The following NTRK2 variants were observed in gnomAD, a reference collection of about 807,000 sequenced individuals.
The protein encoded by NTRK2 is BDNF/NT-3 growth factors receptor.
A neutral mutation model predicts 94.5 loss-of-function variants in NTRK2; 13 were observed. The ratio of observed to expected loss-of-function variants is 0.14; its 90% CI spans 0.09 to 0.22. NTRK2 has a LOEUF of 0.22. Among genes scored for constraint, NTRK2 ranks in the 10% least tolerant of loss-of-function variants. The pLI, the probability that NTRK2 is intolerant of heterozygous loss-of-function variation, is 1.00. For missense variants in NTRK2, 639 were observed against 1,071.2 expected (o/e 0.60, Z 5.63); for synonymous variants, 372 against 407.4 (o/e 0.91, Z 1.05).
chr9:85,023,779 T>G lies in NTRK2; in HGVS notation c.*2342T>G, dbSNP rs1404260158. The G allele has an allele frequency of 1.3e-5, 3 of 230,594 alleles. No homozygotes were observed. Among genetic ancestry groups the G allele is most frequent in the Non-Finnish European group, 2.6e-5 (3 of 116,502 alleles). The allele number at this position is 230,594 out of a possible 1,614,324, so 14.3% of individuals were successfully genotyped here. A position where few individuals can be genotyped will look rare whatever the true frequency, so the allele number is the denominator to read the frequency against. On this transcript the variant is annotated 3_prime_UTR_variant, in exon 19 of 19. Transcript: ENST00000277120. ...GATTTGTACAAAAACTTTTCTAGAT[T>G]CCATCAGCAAAAACCAACACAGGTT... is the stretch of plus-strand genomic sequence containing the variant.
At chr9:84,709,178 A>G (rs1457496197) in intron 5 of NTRK2, among the ~76,000 whole-genome samples, 1 of 152,246 alleles carries the variant, frequency 6.6e-6, no homozygotes, top group African/African-American at 2.4e-5. Flanking sequence ...GTAGAAACCT[A>G]AAGATAAAAG....
At chr9:84,756,875 C>G (rs149416368) in intron 12 of NTRK2, among the ~76,000 whole-genome samples, 30 of 152,318 alleles carry the variant, frequency 2.0e-4, no homozygotes, top group African/African-American at 7.0e-4. Flanking sequence ...GCCCACAGTT[C>G]AACTTTCTGC....
At chr9:84,742,074 T>C (rs1564168633) in intron 10 of NTRK2, 147 bp downstream of exon 10, 1 of 720,866 alleles carries the variant, frequency 1.4e-6, no homozygotes, top group African/African-American at 1.8e-5. Flanking sequence ...AAAAAATCAT[T>C]CAATATTGAT....
At chr9:84,820,778 C>G (rs933158687) in intron 12 of NTRK2, among the ~76,000 whole-genome samples, 19 of 152,302 alleles carry the variant, frequency 1.2e-4, no homozygotes, top group African/African-American at 4.1e-4. Flanking sequence ...CTCCACAAAC[C>G]AAGCAACTCC....
At chr9:84,691,086 G>A (rs888674169) in intron 2 of NTRK2, among the ~76,000 whole-genome samples, 28 of 152,186 alleles carry the variant, frequency 1.8e-4, no homozygotes, top group Non-Finnish European at 1.5e-4. Flanking sequence ...GTAACTGAGT[G>A]CAACATTTGT....
At chr9:84,879,399 G>T (rs1369114772) in intron 14 of NTRK2, among the ~76,000 whole-genome samples, 3 of 152,176 alleles carry the variant, frequency 2.0e-5, no homozygotes, top group Non-Finnish European at 4.4e-5. Flanking sequence ...TACAGTATTT[G>T]AGATTTAAAA....
rs549748786 is a variant in NTRK2 at position 84,961,053 on chromosome 9, C to T, written c.2172+5536C>T. ...TAAAGCTAGGAATATAGGACCATCC[C>T]TATCTCAGACAACATTTTCGTTGCA... On this transcript the variant is annotated intron_variant, in intron 17 of 18. Transcript: ENST00000277120. 1.5e-4 allele frequency among the ~76,000 whole-genome samples: 23 copies of T among 152,292 alleles called. No homozygotes were observed. The South Asian group carries it at 4.8e-3, about 32-fold the overall frequency.
chr9:84,877,678 C>T (rs200486410), intron 14 of NTRK2: 22 of 1,063,192 alleles, frequency 2.1e-5, no homozygotes, highest in Admixed American at 5.4e-5. Context: ...CCCTCTCCCA[C>T]ATTTCATGCA....
intron 12 of NTRK2, among the ~76,000 whole-genome samples, chr9:84,754,215 CA>C (rs1418098999): frequency 6.6e-6 from 1 of 151,946 alleles, no homozygotes; most frequent in Non-Finnish European, 1.5e-5. Context: ...TGGCTTCCTA[CA>C]GCAGTAACTA....
At chr9:84,682,968 G>T (rs1190755624) in intron 2 of NTRK2, among the ~76,000 whole-genome samples, 1 of 152,092 alleles carries the variant, frequency 6.6e-6, no homozygotes, top group Non-Finnish European at 1.5e-5. Flanking sequence ...TTCTACTTGT[G>T]TCCTCACATG....
chr9:84,925,980 G>A (rs1300865372), intron 14 of NTRK2, among the ~76,000 whole-genome samples: 1 of 152,132 alleles, frequency 6.6e-6, no homozygotes, highest in African/African-American at 2.4e-5. Flanking sequence ...TAACAATGAG[G>A]AAGGGGAGGC....
intron 12 of NTRK2, among the ~76,000 whole-genome samples, chr9:84,849,520 G>A (rs1378316150): frequency 2.0e-5 from 3 of 152,132 alleles, no homozygotes; most frequent in African/African-American, 7.2e-5. Context: ...GTGAAAAGTT[G>A]CAATCCATCC....
chr9:84,670,874 G>A lies in NTRK2; in HGVS notation c.126G>A (p.Arg42=), dbSNP rs1392646692. The part of the protein sequence containing the change: ...CPTSCKCSAS[R]IWCSDPSPGI... ...CGTCCTGCAAATGCAGTGCCTCTCG[G>A]ATCTGGTGCAGCGACCCTTCTCCTG... Residue 42 remains arginine, a synonymous_variant, in exon 2 of 19, where the codon CGG becomes CGA. Coordinates refer to ENST00000277120, the MANE Select transcript of NTRK2 (RefSeq NM_006180.6). 6.2e-7 allele frequency: 1 copy of A among 1,613,700 alleles called. No homozygotes were observed. Among genetic ancestry groups the A allele is most frequent in the South Asian group, 1.1e-5 (1 of 91,090 alleles).
chr9:84,815,763 G>C, intron 12 of NTRK2: 1 of 1,001,546 alleles, frequency 1.0e-6, no homozygotes, highest in Non-Finnish European at 1.2e-6. Flanking sequence ...CCTCAAGTGT[G>C]TGCTGTCACC....
Position 84,796,507 on chromosome 9 carries a change from G to T in NTRK2, c.1396+44422G>T, listed in dbSNP as rs183681917. 1.8e-3 allele frequency among the ~76,000 whole-genome samples: 272 copies of T among 152,314 alleles called. 1 individual carries two copies. Among genetic ancestry groups the T allele is most frequent in the African/African-American group, 6.2e-3 (256 of 41,578 alleles). ...GAGGAAGACAAAGGAAAGGGGGTTT[G>T]TGAATGGATTTTGAACAGCCAATCT... On this transcript the variant is annotated intron_variant, in intron 12 of 18. Coordinates refer to ENST00000277120, the MANE Select transcript of NTRK2 (RefSeq NM_006180.6).
intron 12 of NTRK2, among the ~76,000 whole-genome samples, chr9:84,829,765 TG>T (rs1178743006): frequency 6.6e-6 from 1 of 152,248 alleles, no homozygotes; most frequent in Non-Finnish European, 1.5e-5. Context: ...GCTCACTTTT[TG>T]TTCTTGATGG....
In NTRK2 at chr9:84,810,896, C is replaced by A. The variant is rs2133556590; in HGVS notation, c.1397-50144C>A. 4.1e-6 allele frequency: 5 copies of A among 1,228,068 alleles called. No individual in the cohort carries two copies. The East Asian group carries it at 1.6e-4, about 40-fold the overall frequency. 76.1% of individuals were successfully genotyped at this position (1,228,068 alleles called of 1,614,324 possible). ...TGAAATGAAATCCCATTGGATTGTA[C>A]TTCTCTTCTGAAAAGTGTGCTTTTT... On this transcript the variant is annotated intron_variant, in intron 12 of 18. Coordinates refer to ENST00000277120, the MANE Select transcript of NTRK2 (RefSeq NM_006180.6).
At chr9:84,869,639 C>T (rs747135188) in intron 14 of NTRK2, among the ~76,000 whole-genome samples, 2 of 152,058 alleles carry the variant, frequency 1.3e-5, no homozygotes, top group African/African-American at 2.4e-5. Flanking sequence ...TGTGTTTCTG[C>T]AGTCTCTTTT....
rs200607549 is a variant in NTRK2, at chr9:84,875,253, A to G, written c.1633+7822A>G. On this transcript the variant is annotated intron_variant, in intron 14 of 18. Transcript: ENST00000277120. The stretch of plus-strand genomic sequence containing the variant: ...GTGCTGCACAGTGTGTAGGAAGCAC[A>G]TTGGGTGTATTATTCCCAGTTTTGT... 10 of 1,058,508 alleles carry G rather than the reference A, an allele frequency of 9.4e-6. No homozygotes were observed. In the East Asian group the frequency reaches 3.6e-4, roughly 39 times the overall value. The allele number at this position is 1,058,508 out of a possible 1,614,324, so 65.6% of individuals were successfully genotyped here.
Sources: allele counts gnomAD v4.1 joint callset (sites outside exome capture counted in the v4.1 genomes callset), GRCh38; gene constraint gnomAD v4.1.1; transcripts MANE v1.5; gene names NCBI Gene and HGNC (gene_info 2026-07-23, HGNC 2026-07-21).